Variants in APOBEC3D observed in about 807,000 individuals in gnomAD.
APOBEC3D encodes DNA dC->dU-editing enzyme APOBEC-3D.
In APOBEC3D, 37 loss-of-function variants were observed where a neutral mutation model predicts 45.6. The observed-to-expected ratio is 0.81, with a 90% CI of 0.62 to 1.07. The LOEUF is 1.07. APOBEC3D is among the 50% of genes least tolerant of loss of function. APOBEC3D has a pLI of 0.00. For synonymous variants in APOBEC3D, 175 were observed against 180.7 expected (o/e 0.97, Z 0.25); for missense variants, 496 against 495.3 (o/e 1.00, Z -0.01).
At chr22:39,026,745 T>A (rs1925706842) in intron 4 of APOBEC3D, among the ~76,000 whole-genome samples, 1 of 151,048 alleles carries the variant, frequency 6.6e-6, no homozygotes, top group Admixed American at 6.6e-5. Context: ...CCCATTTGAG[T>A]AAGGTTTTTT....
intron 2 of APOBEC3D, 93 bp downstream of exon 2, chr22:39,023,107 C>CCATTTATTTATTTATT (rs1925281997): frequency 1.4e-6 from 1 of 737,296 alleles, no homozygotes; most frequent in Non-Finnish European, 1.8e-6. Flanking sequence ...TTTATTTTTT[C>CCATTTATTTATTTATT]TATTTATTTA....
chr22:39,022,996 G>C lies in APOBEC3D; in HGVS notation c.192G>C (p.Gln64His). 1 of 1,599,110 alleles carries C rather than the reference G, an allele frequency of 6.3e-7. No homozygotes were observed. Among genetic ancestry groups the C allele is most frequent in the Non-Finnish European group, 8.5e-7 (1 of 1,172,854 alleles). ...VFRGPVLPKR[Q>H]SNHRQEVYFR... ...GAGGCCCGGTACTACCCAAACGTCA[G>C]TCGAATCACAGGCAGGAGGTAAGCA... Residue 64 changes from glutamine to histidine, a missense_variant, in exon 2 of 7, where the codon CAG (glutamine) becomes CAC (histidine). By Grantham distance (24) the Gln-to-His change is conservative. Transcript: ENST00000216099.
At position 39,032,758 on chromosome 22, in the gene APOBEC3D, AATTTT is replaced by A; in HGVS notation, c.*443_*447del. On this transcript the variant is annotated 3_prime_UTR_variant, in exon 7 of 7. Transcript: ENST00000216099. ...CAGATGCCTGCCACCACGCCCAGCTAATTTTTTTTTTTTTTTTTTTTTTTTTTTGT... is the reference window on the plus strand; with the variant it reads ...CAGATGCCTGCCACCACGCCCAGCTATTTTTTTTTTTTTTTTTTTTTTTGT... The A allele has an allele frequency of 6.8e-6, 1 of 147,998 alleles. No individual in the cohort carries two copies. The highest frequency in any genetic ancestry group is 9.9e-6 in the Non-Finnish European group (1 of 101,180). 9.2% of individuals were successfully genotyped at this position (147,998 alleles called of 1,614,324 possible). A position where few individuals can be genotyped will look rare whatever the true frequency, so the allele number is the denominator to read the frequency against.
chr22:39,031,573 A>G lies in APOBEC3D; in HGVS notation c.763-121A>G, dbSNP rs1350777778. On this transcript the variant is annotated intron_variant, in intron 5 of 6. Coordinates refer to ENST00000216099, the MANE Select transcript of APOBEC3D (RefSeq NM_152426.4). ...CAACAGGAGAGACCCTGTCTCAAAA[A>G]TAAATAAATAAGAAAATGCCCTGGG... The G allele has an allele frequency of 3.5e-6, 5 of 1,421,732 alleles. No homozygotes were observed. The East Asian group carries it at 9.2e-5, about 26-fold the overall frequency. 88.1% of individuals were successfully genotyped at this position (1,421,732 alleles called of 1,614,324 possible). A position where few individuals can be genotyped will look rare whatever the true frequency, so the allele number is the denominator to read the frequency against.
intron 4 of APOBEC3D, 149 bp downstream of exon 4, chr22:39,025,820 C>T: frequency 6.7e-7 from 1 of 1,485,530 alleles, no homozygotes. Flanking sequence ...TCCTCATGCT[C>T]CCTCCACCTT....
At chr22:39,025,475 A>C in intron 3 of APOBEC3D, 82 bp from the exon 4 acceptor site, 1 of 1,613,916 alleles carries the variant, frequency 6.2e-7, no homozygotes, top group Non-Finnish European at 8.5e-7. Flanking sequence ...ACTGATTGCA[A>C]CTGACAGCCA....
At chr22:39,032,007 G>T (rs549196225) in intron 6 of APOBEC3D, 34 bp downstream of exon 6, 486 of 1,612,090 alleles carry the variant, frequency 3.0e-4, no homozygotes, top group Non-Finnish European at 3.9e-4. Flanking sequence ...AGTGGGTGCG[G>T]GAGGGACAGC....
At chr22:39,030,330 A>G (rs1170363309) in intron 5 of APOBEC3D, among the ~76,000 whole-genome samples, 3 of 146,332 alleles carry the variant, frequency 2.1e-5, no homozygotes, top group Non-Finnish European at 1.5e-5. Context: ...ATTTTTTCAG[A>G]GTGTGTTTGG....
intron 2 of APOBEC3D, 106 bp downstream of exon 2, chr22:39,023,120 T>TATTTA: frequency 1.1e-6 from 1 of 944,698 alleles, no homozygotes; most frequent in Non-Finnish European, 1.4e-6. Flanking sequence ...TTTATTTATT[T>TATTTA]ATTTATTTAT....
intron 4 of APOBEC3D, among the ~76,000 whole-genome samples, chr22:39,027,070 C>T (rs1925745013): frequency 6.6e-6 from 1 of 152,096 alleles, no homozygotes; most frequent in Non-Finnish European, 1.5e-5. Context: ...ACCAGAGAGG[C>T]CCTAGAAAGA....
intron 1 of APOBEC3D, among the ~76,000 whole-genome samples, chr22:39,021,918 T>C (rs1277641150): frequency 6.6e-6 from 1 of 152,224 alleles, no homozygotes; most frequent in Non-Finnish European, 1.5e-5. Flanking sequence ...TTCTCAGTGC[T>C]TTGATGAACT....
Position 39,029,533 on chromosome 22 carries a change from C to A in APOBEC3D, c.762+14C>A. 1 of 1,614,078 alleles carries A rather than the reference C, an allele frequency of 6.2e-7. No individual in the cohort carries two copies. Among genetic ancestry groups the A allele is most frequent in the Non-Finnish European group, 8.5e-7 (1 of 1,179,974 alleles). On this transcript the variant is annotated intron_variant, in intron 5 of 6. Transcript: ENST00000216099. ...TTCCGAAACCAGGTAGCACCAAAGT[C>A]CTATTTACACCCTAAATAGGAGCTA...
intron 4 of APOBEC3D, among the ~76,000 whole-genome samples, chr22:39,028,921 G>A (rs1925943401): frequency 1.3e-5 from 2 of 152,162 alleles, no homozygotes; most frequent in Non-Finnish European, 1.5e-5. Context: ...GTGACAGAGT[G>A]AGACCGTGTG....
chr22:39,025,635 A>T lies in APOBEC3D; in HGVS notation c.569A>T (p.Tyr190Phe). 1 of 1,614,096 alleles carries T rather than the reference A, an allele frequency of 6.2e-7. No homozygotes were observed. Among genetic ancestry groups the T allele is most frequent in the Non-Finnish European group, 8.5e-7 (1 of 1,179,990 alleles). Residue 190 changes from tyrosine (Y) to phenylalanine (F), a missense_variant, in exon 4 of 7, where the codon TAT becomes TTT. Coordinates refer to ENST00000216099, the MANE Select transcript of APOBEC3D (RefSeq NM_152426.4). ...CCTTGGTACAAATTCGATGACAATT[A>T]TGCATCCCTGCACCGCACGCTAAAG... ...FMPWYKFDDN[Y>F]ASLHRTLKEI...
intron 5 of APOBEC3D, among the ~76,000 whole-genome samples, chr22:39,030,057 A>G (rs1284698813): frequency 2.0e-5 from 3 of 150,810 alleles, no homozygotes. Context: ...AAATCTTGTC[A>G]TGGAGCTGTG....
At chr22:39,021,679 GC>G in intron 1 of APOBEC3D, 143 bp downstream of exon 1, 1 of 1,179,306 alleles carries the variant, frequency 8.5e-7, no homozygotes, top group Non-Finnish European at 1.2e-6. Flanking sequence ...CCCACTCCCA[GC>G]CAGACTCCTT....
At chr22:39,021,599 G>A in intron 1 of APOBEC3D, 63 bp downstream of exon 1, 1 of 1,611,046 alleles carries the variant, frequency 6.2e-7, no homozygotes, top group Non-Finnish European at 8.5e-7. Context: ...GTCCTGCTGG[G>A]CCTCAGCCCT....
intron 5 of APOBEC3D, 67 bp downstream of exon 5, chr22:39,029,586 AC>A: frequency 6.3e-7 from 1 of 1,575,318 alleles, no homozygotes; most frequent in South Asian, 1.1e-5. Context: ...AAAACACAAT[AC>A]GTGACGTGCC....
rs971566896 is a variant in APOBEC3D, at chr22:39,031,980, CGTG to C, written c.1042+9_1042+11del. On this transcript the variant is annotated splice_region_variant and intron_variant, in intron 6 of 6. Coordinates refer to ENST00000216099, the MANE Select transcript of APOBEC3D (RefSeq NM_152426.4). ...AAGATCATGGGCTACAAAGGTGAGA[CGTG>C]GGGGGCTGAGGAGAGTGGGTGCGGG... 1.1e-5 allele frequency: 18 copies of C among 1,613,944 alleles called. No homozygotes were observed. Among genetic ancestry groups the C allele is most frequent in the Admixed American group, 3.3e-5 (2 of 60,010 alleles).
Sources: allele counts gnomAD v4.1 joint callset (sites outside exome capture counted in the v4.1 genomes callset), GRCh38; gene constraint gnomAD v4.1.1; transcripts MANE v1.5; gene names NCBI Gene and HGNC (gene_info 2026-07-23, HGNC 2026-07-21).